PTPRA: variants seen among roughly 807,000 people sequenced by gnomAD.
PTPRA encodes receptor-type tyrosine-protein phosphatase alpha.
PTPRA carries 25 observed loss-of-function variants against 104.8 expected under a neutral mutation model. The ratio of observed to expected loss-of-function variants is 0.24; its 90% CI spans 0.17 to 0.33. The LOEUF is 0.33. PTPRA is among the 10% of genes least tolerant of loss of function. PTPRA has a pLI of 1.00. For synonymous variants in PTPRA, 323 were observed against 368.9 expected (o/e 0.88, Z 1.43); for missense variants, 765 against 1,015.3 (o/e 0.75, Z 3.35).
At position 2,959,834 on chromosome 20, in the gene PTPRA, G is replaced by A. The variant is rs139840274; in HGVS notation, c.-6-4438G>A. On this transcript the variant is annotated intron_variant, in intron 3 of 23. Coordinates refer to ENST00000399903, the MANE Select transcript of PTPRA (RefSeq NM_001385305.1). The stretch of plus-strand genomic sequence containing the variant: ...GGTGTGGTGGTGCACACCTGTAACT[G>A]TACCTACTCAGGAGGCTGAGGCAGA... 5.6e-3 allele frequency among the ~76,000 whole-genome samples: 857 copies of A among 152,156 alleles called. 8 individuals are homozygous for A. The highest frequency in any genetic ancestry group is 0.019 in the African/African-American group (794 of 41,510).
intron 1 of PTPRA, among the ~76,000 whole-genome samples, chr20:2,884,305 G>T (rs1568638272): frequency 6.6e-6 from 1 of 152,020 alleles, no homozygotes; most frequent in East Asian, 1.9e-4. Context: ...ACTTTGAGGG[G>T]CTGTCAAACT....
At chr20:3,021,927 T>A in intron 14 of PTPRA, 127 bp from the exon 15 acceptor site, 1 of 1,229,322 alleles carries the variant, frequency 8.1e-7, no homozygotes, top group Non-Finnish European at 1.1e-6. Context: ...TGTCTGTGGT[T>A]AACTAACTCC....
intron 9 of PTPRA, among the ~76,000 whole-genome samples, chr20:2,989,289 T>C (rs1201739542): frequency 1.3e-5 from 2 of 151,914 alleles, no homozygotes; most frequent in African/African-American, 2.4e-5. Context: ...AAAAATTAGC[T>C]GGGCGTGGTG....
At chr20:2,990,882 TGTCAGATTTGCA>T (rs1435603595) in intron 9 of PTPRA, among the ~76,000 whole-genome samples, 1 of 152,166 alleles carries the variant, frequency 6.6e-6, no homozygotes, top group Non-Finnish European at 1.5e-5. Flanking sequence ...TGGTGAGTGA[TGTCAGATTTGCA>T]TTTTGAGAAA....
intron 2 of PTPRA, among the ~76,000 whole-genome samples, chr20:2,939,983 G>A (rs1399676203): frequency 5.3e-5 from 8 of 152,196 alleles, no homozygotes; most frequent in Non-Finnish European, 8.8e-5. Flanking sequence ...GGTGGGGGAC[G>A]CCTGTAATCC....
At chr20:2,866,244 C>G in the PTPRA span, 27 of 1,614,012 alleles carry the variant, frequency 1.7e-5, no homozygotes, top group South Asian at 2.9e-4. Context: ...AACAACATAA[C>G]AAATACGAAG....
chr20:2,998,089 A>T (rs1209827598), intron 9 of PTPRA, among the ~76,000 whole-genome samples: 1 of 151,672 alleles, frequency 6.6e-6, no homozygotes, highest in Non-Finnish European at 1.5e-5. Context: ...TATAGTGCTA[A>T]CTTTATAGAG....
intron 1 of PTPRA, among the ~76,000 whole-genome samples, chr20:2,884,193 T>C (rs1360935718): frequency 6.6e-6 from 1 of 152,222 alleles, no homozygotes; most frequent in Non-Finnish European, 1.5e-5. Context: ...ATAATGCTGC[T>C]GTGAACATTC....
At chr20:3,025,775 A>C (rs1241906823) in intron 17 of PTPRA, among the ~76,000 whole-genome samples, 1 of 147,818 alleles carries the variant, frequency 6.8e-6, no homozygotes, top group Admixed American at 6.8e-5. Context: ...AGGCTGAGGC[A>C]GGAGAATCAC....
intron 11 of PTPRA, among the ~76,000 whole-genome samples, chr20:3,012,168 T>G (rs912770891): frequency 2.6e-5 from 4 of 152,190 alleles, no homozygotes; most frequent in African/African-American, 9.7e-5. Flanking sequence ...GCGGTTTTGA[T>G]GAATTTATCT....
chr20:2,864,942 T>G, the PTPRA span: 1 of 1,613,526 alleles, frequency 6.2e-7, no homozygotes, highest in Non-Finnish European at 8.5e-7. This position sits in a 1 kb window ranked among gnomAD's most constrained non-coding sequence, Gnocchi z 5.2. Context: ...GGGTCCTGCA[T>G]GCTGTGAGTT....
chr20:2,987,496 GCCTAA>G (rs1555809097), intron 7 of PTPRA, among the ~76,000 whole-genome samples: 27 of 152,042 alleles, frequency 1.8e-4, no homozygotes, highest in Non-Finnish European at 2.9e-5. Context: ...CTTATCTTTG[GCCTAA>G]CCAAAGATGT....
chr20:3,008,868 C>T (rs1006291592), intron 11 of PTPRA, among the ~76,000 whole-genome samples: 2 of 151,118 alleles, frequency 1.3e-5, no homozygotes, highest in Non-Finnish European at 2.9e-5. Flanking sequence ...GCCGAGATGG[C>T]GCCACTGCAC....
intron 8 of PTPRA, 71 bp from the exon 9 acceptor site, chr20:2,988,267 C>T: frequency 6.4e-7 from 1 of 1,556,718 alleles, no homozygotes; most frequent in South Asian, 1.2e-5. Context: ...GAGGTAGAAC[C>T]CCGTTTAGCC....
chr20:2,884,991 A>G (rs1489191478), intron 1 of PTPRA, among the ~76,000 whole-genome samples: 2 of 151,880 alleles, frequency 1.3e-5, no homozygotes, highest in Non-Finnish European at 2.9e-5. Flanking sequence ...TTGTATTTTT[A>G]GTAGAGATGG....
At chr20:2,998,644 C>T (rs890779174) in intron 9 of PTPRA, among the ~76,000 whole-genome samples, 2 of 152,092 alleles carry the variant, frequency 1.3e-5, no homozygotes, top group Non-Finnish European at 2.9e-5. Flanking sequence ...CCAAGACCTA[C>T]CTTGGAAGGT....
At chr20:2,956,703 A>G (rs2061550162) in intron 3 of PTPRA, among the ~76,000 whole-genome samples, 1 of 152,026 alleles carries the variant, frequency 6.6e-6, no homozygotes, top group Non-Finnish European at 1.5e-5. Flanking sequence ...TAAATCAGCC[A>G]TAATTTATTT....
At position 3,022,181 on chromosome 20, in the gene PTPRA, G is replaced by T. The variant is rs754417940; in HGVS notation, c.1289G>T (p.Cys430Phe). 4 of 1,614,118 alleles carry T rather than the reference G, an allele frequency of 2.5e-6. No individual in the cohort carries two copies. The Admixed American group carries it at 5.0e-5, about 20-fold the overall frequency. The change falls in exon 15 of 24, where the codon TGT becomes TTT. Residue 430 changes from cysteine (C) to phenylalanine (F), a missense_variant. Physicochemically the swap from Cys to Phe is radical, Grantham distance 205. Transcript: ENST00000399903. This position sits in a 1 kb window ranked among gnomAD's most constrained non-coding sequence, Gnocchi z 4.6. The part of the protein sequence containing the change: ...MLKFLKKVKA[C>F]NPQYAGAIVV... Reference sequence around the variant, plus strand: ...AAGTTCCTCAAGAAGGTGAAGGCCTGTAACCCTCAGTATGCAGGGGCCATC... The same window carrying T: ...AAGTTCCTCAAGAAGGTGAAGGCCTTTAACCCTCAGTATGCAGGGGCCATC...
intron 3 of PTPRA, among the ~76,000 whole-genome samples, chr20:2,954,244 AT>A (rs1425744380): frequency 2.7e-5 from 4 of 148,744 alleles, no homozygotes; most frequent in African/African-American, 5.0e-5. Context: ...CGCCTGGCTA[AT>A]TTTTTGTATT....
Sources: gnomAD v4.1 joint callset for allele counts (sites outside exome capture counted in the v4.1 genomes callset) on GRCh38, gnomAD v4.1.1 for gene constraint, Gnocchi (gnomAD v3.1) non-coding constraint, MANE v1.5 for transcripts, NCBI Gene and HGNC (gene_info 2026-07-23, HGNC 2026-07-21) for gene names.